Variants in GSG1L observed in about 807,000 individuals in gnomAD.
GSG1L encodes germ cell-specific gene 1-like protein.
GSG1L carries 24 observed loss-of-function variants against 42.1 expected under a neutral mutation model. That is an observed-to-expected ratio of 0.57 (90% CI 0.41 to 0.80). GSG1L has a LOEUF of 0.80. Among genes scored for constraint, GSG1L ranks in the 30% least tolerant of loss-of-function variants. GSG1L has a pLI of 0.00. For synonymous variants in GSG1L, 215 were observed against 203.5 expected (o/e 1.06, Z -0.48); for missense variants, 445 against 472.2 (o/e 0.94, Z 0.53).
At chr16:27,987,763 A>G (rs891770630) in intron 1 of GSG1L, among the ~76,000 whole-genome samples, 5 of 152,146 alleles carry the variant, frequency 3.3e-5, no homozygotes, top group Non-Finnish European at 7.4e-5. Context: ...CTTGGCCAAC[A>G]TGGTGAAACC....
chr16:27,949,386 T>C (rs2084926003), intron 2 of GSG1L, among the ~76,000 whole-genome samples: 1 of 152,212 alleles, frequency 6.6e-6, no homozygotes, highest in South Asian at 2.1e-4. Context: ...GAGGCGGGTA[T>C]GGCACACGGC....
intron 3 of GSG1L, among the ~76,000 whole-genome samples, chr16:27,846,324 T>C (rs772962): frequency 0.29 from 43,918 of 151,966 alleles, 6,606 homozygotes; most frequent in East Asian, 0.44. Context: ...AAGCTGTTCC[T>C]GCTCAGAAGG....
chr16:27,796,145 T>G (rs1221925900), intron 6 of GSG1L, among the ~76,000 whole-genome samples: 1 of 152,304 alleles, frequency 6.6e-6, no homozygotes, highest in South Asian at 2.1e-4. Context: ...ACAGATCAGC[T>G]GGATCCCTTT....
At chr16:27,978,904 A>T (rs2085281700) in intron 1 of GSG1L, among the ~76,000 whole-genome samples, 1 of 152,088 alleles carries the variant, frequency 6.6e-6, no homozygotes, top group Non-Finnish European at 1.5e-5. Flanking sequence ...TTCAGTTAGG[A>T]TTTAATTCAG....
At chr16:28,042,922 C>T (rs763793624) in intron 1 of GSG1L, among the ~76,000 whole-genome samples, 1 of 152,180 alleles carries the variant, frequency 6.6e-6, no homozygotes, top group East Asian at 1.9e-4. Context: ...GGGGAAAGCA[C>T]GGGCTGAAAA....
intron 1 of GSG1L, among the ~76,000 whole-genome samples, chr16:27,993,281 C>T (rs942454079): frequency 6.6e-6 from 1 of 152,026 alleles, no homozygotes; most frequent in Non-Finnish European, 1.5e-5. Flanking sequence ...CCCAAGTAGA[C>T]AGGACTACAG....
chr16:27,798,314 C>T (rs374966057), intron 6 of GSG1L, among the ~76,000 whole-genome samples: 1 of 152,096 alleles, frequency 6.6e-6, no homozygotes, highest in Admixed American at 6.5e-5. Context: ...GGGCTGGGGG[C>T]AGTTCCCAGA....
intron 2 of GSG1L, among the ~76,000 whole-genome samples, chr16:27,899,923 G>GCAA (rs2084237228): frequency 6.6e-6 from 1 of 152,192 alleles, no homozygotes; most frequent in Non-Finnish European, 1.5e-5. Flanking sequence ...CCAACTGGGT[G>GCAA]ATGTGGATTC....
At chr16:27,802,638 C>T (rs952425673) in intron 6 of GSG1L, among the ~76,000 whole-genome samples, 6 of 151,970 alleles carry the variant, frequency 3.9e-5, no homozygotes, top group African/African-American at 9.7e-5. Flanking sequence ...GAGGTTAGGC[C>T]CCTTTTGTGT....
chr16:27,888,927 G>GAT (rs1555506438), intron 2 of GSG1L, among the ~76,000 whole-genome samples: 3 of 142,110 alleles, frequency 2.1e-5, no homozygotes, highest in South Asian at 2.4e-4. Context: ...CTTGTGCTTA[G>GAT]ATAGATATAG....
At chr16:27,809,446 T>C (rs2083005191) in intron 5 of GSG1L, among the ~76,000 whole-genome samples, 1 of 151,958 alleles carries the variant, frequency 6.6e-6, no homozygotes, top group Non-Finnish European at 1.5e-5. Context: ...GGTGTGGTGA[T>C]GTGTGCCTCT....
chr16:27,964,723 T>A (rs1216908958), intron 1 of GSG1L, among the ~76,000 whole-genome samples: 1 of 152,078 alleles, frequency 6.6e-6, no homozygotes, highest in East Asian at 1.9e-4. Context: ...AAAAAACAAA[T>A]AAATTGAATT....
intron 1 of GSG1L, among the ~76,000 whole-genome samples, chr16:28,007,798 G>A (rs776597441): frequency 6.6e-6 from 1 of 152,008 alleles, no homozygotes; most frequent in Non-Finnish European, 1.5e-5. Flanking sequence ...TGACAGGCTT[G>A]AGCCACCATG....
At chr16:27,918,134 G>A (rs76315064) in intron 2 of GSG1L, among the ~76,000 whole-genome samples, 3,656 of 152,226 alleles carry the variant, frequency 0.024, 154 homozygotes, top group African/African-American at 0.083. Flanking sequence ...ACATTTCATT[G>A]TATTGCATAA....
At chr16:27,898,886 A>C (rs2084224040) in intron 2 of GSG1L, among the ~76,000 whole-genome samples, 1 of 152,242 alleles carries the variant, frequency 6.6e-6, no homozygotes, top group Non-Finnish European at 1.5e-5. Context: ...ACATGGAAAT[A>C]GTGGCTGGGC....
intron 6 of GSG1L, among the ~76,000 whole-genome samples, chr16:27,799,405 G>T (rs371180959): frequency 6.6e-6 from 1 of 152,028 alleles, no homozygotes; most frequent in Non-Finnish European, 1.5e-5. Flanking sequence ...AATTACCCAC[G>T]TCTATGTCAT....
chr16:27,888,479 T>TTTCCTTCC (rs2084069803), intron 2 of GSG1L, among the ~76,000 whole-genome samples: 3 of 44,388 alleles, frequency 6.8e-5, no homozygotes, highest in African/African-American at 2.2e-4. Flanking sequence ...TCTCTCTCTC[T>TTTCCTTCC]TTCCTTTCTT....
At chr16:27,817,741 G>A (rs1002747615) in intron 5 of GSG1L, among the ~76,000 whole-genome samples, 3 of 152,250 alleles carry the variant, frequency 2.0e-5, no homozygotes, top group African/African-American at 4.8e-5. Flanking sequence ...GAAAAGGCAA[G>A]CATGAGTGTC....
At chr16:27,823,023 T>C (rs1348628585) in intron 5 of GSG1L, among the ~76,000 whole-genome samples, 1 of 152,216 alleles carries the variant, frequency 6.6e-6, no homozygotes, top group Non-Finnish European at 1.5e-5. Flanking sequence ...GAATTCCCTC[T>C]GGGATCCAAT....
Sources: allele counts gnomAD v4.1 joint callset (sites outside exome capture counted in the v4.1 genomes callset), GRCh38; gene constraint gnomAD v4.1.1; transcripts MANE v1.5; gene names NCBI Gene and HGNC (gene_info 2026-07-23, HGNC 2026-07-21).